Variants in EPB41 observed in about 807,000 individuals in gnomAD.
EPB41 encodes the protein erythrocyte membrane protein band 4.1.
In EPB41, 65 loss-of-function variants were observed where a neutral mutation model predicts 108.0. The observed-to-expected ratio is 0.60, with a 90% CI of 0.49 to 0.74. The LOEUF is 0.74. Among genes scored for constraint, EPB41 ranks in the 30% least tolerant of loss-of-function variants. The pLI, the probability that EPB41 is intolerant of heterozygous loss-of-function variation, is 0.00. For missense variants in EPB41, 875 were observed against 1,037.0 expected (o/e 0.84, Z 2.15); for synonymous variants, 336 against 358.9 (o/e 0.94, Z 0.72).
rs1573187617 is a variant in EPB41 at position 29,053,693 on chromosome 1, G to A, written c.1845+381G>A. The A allele has an allele frequency of 3.6e-5, 7 of 192,000 alleles. No individual in the cohort carries two copies. The South Asian group carries it at 5.3e-4, about 15-fold the overall frequency. 11.9% of individuals were successfully genotyped at this position (192,000 alleles called of 1,614,324 possible). A position where few individuals can be genotyped will look rare whatever the true frequency, so the allele number is the denominator to read the frequency against. ...TCCTGCCTCAGCCTCCTGATTAGCC[G>A]GGACTACAGGCGCCCGCCACCATGC... On this transcript the variant is annotated intron_variant, in intron 12 of 20. Transcript: ENST00000343067.
rs557598206 is a variant in EPB41, at chr1:28,960,089, T to A, written c.-7-27342T>A. Among the ~76,000 whole-genome samples, 7 of 149,626 alleles carry A rather than the reference T, an allele frequency of 4.7e-5. No homozygotes were observed. In the East Asian group the frequency reaches 1.2e-3, roughly 26 times the overall value. ...ATCACTGCCCACTGTAGCCTCGACC[T>A]CCTGGCTCAAGTAGTTAGTCTTCCT... On this transcript the variant is annotated intron_variant, in intron 1 of 20. Coordinates refer to ENST00000343067, the MANE Select transcript of EPB41 (RefSeq NM_001376013.1).
intron 6 of EPB41, among the ~76,000 whole-genome samples, chr1:29,017,247 T>TA (rs1308993702): frequency 1.3e-5 from 2 of 152,184 alleles, no homozygotes; most frequent in Non-Finnish European, 2.9e-5. Context: ...TTCTGACATT[T>TA]AAAAAAATGT....
In EPB41 at chr1:29,030,421, T is replaced by A. The variant is rs771335316; in HGVS notation, c.1146T>A (p.Ala382=). The change falls in exon 8 of 21, where the codon GCT becomes GCA. Residue 382 remains alanine (A), a synonymous_variant. Coordinates refer to ENST00000343067, the MANE Select transcript of EPB41 (RefSeq NM_001376013.1). ...AAAGGTCCATGACTCCAGCTCAGGC[T>A]GACTTGGAGTTTCTTGAGAATGCCA... ...KSYRSMTPAQ[A]DLEFLENAKK... The A allele has an allele frequency of 3.7e-6, 6 of 1,614,010 alleles. No individual in the cohort carries two copies. In the Admixed American group the frequency reaches 1.0e-4, roughly 27 times the overall value.
At chr1:28,929,316 C>T (rs977874790) in intron 1 of EPB41, among the ~76,000 whole-genome samples, 1 of 151,668 alleles carries the variant, frequency 6.6e-6, no homozygotes, top group African/African-American at 2.4e-5. Flanking sequence ...AGCTCTGCCT[C>T]CCGGGTTCAC....
Position 29,097,555 on chromosome 1 carries a change from G to T in EPB41, c.2185-252G>T, listed in dbSNP as rs964686105. The T allele has an allele frequency of 5.8e-6, 3 of 519,614 alleles. No individual in the cohort carries two copies. In the Admixed American group the frequency reaches 9.5e-5, roughly 16 times the overall value. 32.2% of individuals were successfully genotyped at this position (519,614 alleles called of 1,614,324 possible). A position where few individuals can be genotyped will look rare whatever the true frequency, so the allele number is the denominator to read the frequency against. On this transcript the variant is annotated intron_variant, in intron 16 of 20. Coordinates refer to ENST00000343067, the MANE Select transcript of EPB41 (RefSeq NM_001376013.1). ...TTTATATCACCAATCATAACTGTCT[G>T]CTCTTACAGCTTTCCATTAAGCTTA...
chr1:29,012,498 C>T (rs550224957), intron 5 of EPB41, among the ~76,000 whole-genome samples: 2 of 152,112 alleles, frequency 1.3e-5, no homozygotes, highest in African/African-American at 2.4e-5. Context: ...TGTATAGTCC[C>T]GCTTTACACC....
chr1:29,087,488 G>A (rs1053349917), intron 16 of EPB41, among the ~76,000 whole-genome samples: 1 of 151,944 alleles, frequency 6.6e-6, no homozygotes, highest in African/African-American at 2.4e-5. Context: ...TCAGCCTCCC[G>A]AGTAGCAGGG....
intron 10 of EPB41, among the ~76,000 whole-genome samples, chr1:29,038,526 A>G (rs1388887455): frequency 1.3e-5 from 2 of 152,202 alleles, no homozygotes; most frequent in East Asian, 3.8e-4. Flanking sequence ...TTTTGGTAGT[A>G]TTTGATGTAG....
rs868215931 is a variant in EPB41 at position 28,905,849 on chromosome 1, G to T, written c.-8+18639G>T. ...TTTTTTTTTTTTGAGACGGAGTCTT[G>T]CTCTGTTGCCCAGGCTGGAGTGCAG... On this transcript the variant is annotated intron_variant, in intron 1 of 16. Coordinates refer to the EPB41 transcript ENST00000347529. 5.5e-5 allele frequency among the ~76,000 whole-genome samples: 7 copies of T among 127,222 alleles called. No homozygotes were observed. In the Middle Eastern group the frequency reaches 0.025, roughly 450 times the overall value. 83.5% of individuals were successfully genotyped at this position (127,222 alleles called of 152,430 possible).
Position 28,987,769 on chromosome 1 carries a change from G to A in EPB41, c.332G>A (p.Gly111Glu). Residue 111 changes from glycine to glutamate, a missense_variant, in exon 2 of 21, where the codon GGA becomes GAA. Physicochemically the swap from Gly to Glu is moderately conservative, Grantham distance 98. Around this residue, in one of 3 missense-constraint regions of EPB41, gnomAD observed 353 missense variants for 393.2 expected, o/e 0.90. Transcript: ENST00000343067. ...EVESDKEKGEGGQKEIEFGTS... is the reference protein window; with the variant it reads ...EVESDKEKGEEGQKEIEFGTS... ...GAGTCAGATAAAGAAAAAGGTGAAG[G>A]AGGTCAGAAAGAGATAGAATTTGGA... 1 of 1,614,136 alleles carries A rather than the reference G, an allele frequency of 6.2e-7. No homozygotes were observed. Among genetic ancestry groups the A allele is most frequent in the Non-Finnish European group, 8.5e-7 (1 of 1,180,034 alleles).
chr1:29,065,427 A>ATG (rs1647184485), intron 16 of EPB41: 1 of 359,368 alleles, frequency 2.8e-6, no homozygotes. Flanking sequence ...CTTCTGGCTA[A>ATG]TGTATGTTTA....
Position 29,092,817 on chromosome 1 carries a change from TC to T in EPB41, c.2185-4988del, listed in dbSNP as rs533536837. Reference sequence around the variant, plus strand: ...AACATGCAGTATTTGCTTTTATTGTTCCTGTGTTCGTTTGCTAAGGATAATG... The same window carrying T: ...AACATGCAGTATTTGCTTTTATTGTTCTGTGTTCGTTTGCTAAGGATAATG... On this transcript the variant is annotated intron_variant, in intron 16 of 20. Coordinates refer to ENST00000343067, the MANE Select transcript of EPB41 (RefSeq NM_001376013.1). Among the ~76,000 whole-genome samples the T allele has an allele frequency of 4.8e-4, 73 of 152,274 alleles. 1 individual carries two copies. Among genetic ancestry groups the T allele is most frequent in the African/African-American group, 1.7e-3 (72 of 41,554 alleles).
At chr1:28,919,154 T>C (rs1570555695) in intron 1 of EPB41, among the ~76,000 whole-genome samples, 1 of 152,362 alleles carries the variant, frequency 6.6e-6, no homozygotes, top group East Asian at 1.9e-4. Context: ...GCTTCAAATA[T>C]TGGTTTTGGG....
At chr1:28,976,068 G>A (rs72874915) in intron 1 of EPB41, among the ~76,000 whole-genome samples, 218 of 152,204 alleles carry the variant, frequency 1.4e-3, no homozygotes, top group African/African-American at 5.2e-3. Context: ...CAACAGATAG[G>A]GGTTTAGTTA....
intron 5 of EPB41, among the ~76,000 whole-genome samples, chr1:29,013,855 T>C (rs78040563): frequency 7.4e-6 from 1 of 135,744 alleles, no homozygotes; most frequent in Admixed American, 7.6e-5. Context: ...TTTTTTTTTT[T>C]AATCACACAA....
At chr1:28,951,292 G>A (rs1221915285) in intron 1 of EPB41, among the ~76,000 whole-genome samples, 1 of 151,436 alleles carries the variant, frequency 6.6e-6, no homozygotes, top group Non-Finnish European at 1.5e-5. Flanking sequence ...TCACAGTTAA[G>A]AGGCTGAGCA....
At chr1:29,069,049 G>C in intron 16 of EPB41, 1 of 852,424 alleles carries the variant, frequency 1.2e-6, no homozygotes. Context: ...GAGAGAAAAT[G>C]AATTTAATTA....
At position 29,021,737 on chromosome 1, in the gene EPB41, C is replaced by T. The variant is rs184738986; in HGVS notation, c.1124+3295C>T. On this transcript the variant is annotated intron_variant, in intron 7 of 20. Transcript: ENST00000343067. ...ATCTGGGACTACAAGCGCCAGCCAC[C>T]ACGCCTAGCTAATTTTTTGTATATT... 8.0e-4 allele frequency among the ~76,000 whole-genome samples: 122 copies of T among 152,176 alleles called. No homozygotes were observed. The Middle Eastern group carries it at 0.017, about 21-fold the overall frequency.
chr1:28,897,676 A>AGAAAGGAAGGGAAG (rs1238220802), intron 1 of EPB41, among the ~76,000 whole-genome samples: 3 of 147,100 alleles, frequency 2.0e-5, no homozygotes, highest in African/African-American at 7.6e-5. Context: ...AGGGAAGGGA[A>AGAAAGGAAGGGAAG]GAAAGGAAGG....
Sources: gnomAD v4.1 joint callset for allele counts (sites outside exome capture counted in the v4.1 genomes callset) on GRCh38, gnomAD v4.1.1 for gene constraint, gnomAD v4.1.1 regional missense constraint, MANE v1.5 for transcripts, NCBI Gene and HGNC (gene_info 2026-07-23, HGNC 2026-07-21) for gene names.